HSD17B4: variants seen among roughly 807,000 people sequenced by gnomAD.
The protein encoded by HSD17B4 is hydroxysteroid 17-beta dehydrogenase 4, also known as peroxisomal multifunctional enzyme type 2.
A neutral mutation model predicts 101.0 loss-of-function variants in HSD17B4; 70 were observed. That is an observed-to-expected ratio of 0.69 (90% CI 0.57 to 0.85). The LOEUF (loss-of-function observed/expected upper bound fraction) is 0.85. Among genes scored for constraint, HSD17B4 ranks in the 40% least tolerant of loss-of-function variants. The pLI is 0.00. For missense variants in HSD17B4, 984 were observed against 892.4 expected, an observed-to-expected ratio of 1.10 and a Z score of -1.31; for synonymous variants, 347 against 297.1, an observed-to-expected ratio of 1.17 and a Z score of -1.73.
intron 2 of HSD17B4, among the ~76,000 whole-genome samples, chr5:119,464,882 C>T (rs981561291): frequency 1.3e-5 from 2 of 152,302 alleles, no homozygotes; most frequent in South Asian, 2.1e-4. Context: ...GCGTGAGCCA[C>T]CGCGCCCGGC....
chr5:119,507,657 G>T (rs1237764236), intron 15 of HSD17B4, among the ~76,000 whole-genome samples: 2 of 151,792 alleles, frequency 1.3e-5, no homozygotes, highest in African/African-American at 2.4e-5. Context: ...GGTGGCGGGC[G>T]CCTGTAGTCC....
chr5:119,465,588 C>G (rs903408919), intron 2 of HSD17B4, among the ~76,000 whole-genome samples: 2 of 152,170 alleles, frequency 1.3e-5, no homozygotes, highest in African/African-American at 4.8e-5. Context: ...GTAAATTACC[C>G]AGCCTCAGGT....
Position 119,536,474 on chromosome 5 carries a change from G to A in HSD17B4, c.2045G>A (p.Gly682Asp), listed in dbSNP as rs1438355565. The A allele has an allele frequency of 5.0e-6, 8 of 1,612,334 alleles. No individual in the cohort carries two copies. Among genetic ancestry groups the A allele is most frequent in the Non-Finnish European group, 6.8e-6 (8 of 1,178,656 alleles). Reference sequence around the variant, plus strand: ...AAAGTGTACCAAGGCCCTGCAAAAGGTGCTGCTGATACAACAATCATACTT... The same window carrying A: ...AAAGTGTACCAAGGCCCTGCAAAAGATGCTGCTGATACAACAATCATACTT... Reference protein sequence around the residue: ...SGKVYQGPAKGAADTTIILSD... With the variant: ...SGKVYQGPAKDAADTTIILSD... The change falls in exon 23 of 24, where the codon GGT becomes GAT. Residue 682 changes from glycine (G) to aspartate (D), a missense_variant. Physicochemically the swap from Gly to Asp is moderately conservative, Grantham distance 94 (BLOSUM62 -1). Transcript: ENST00000510025.
At chr5:119,520,231 G>A (rs1239492699) in intron 17 of HSD17B4, among the ~76,000 whole-genome samples, 2 of 151,638 alleles carry the variant, frequency 1.3e-5, no homozygotes, top group African/African-American at 2.4e-5. Flanking sequence ...TACAAATGGT[G>A]TAGCTGCTTT....
At chr5:119,506,564 T>C (rs1024799587) in intron 14 of HSD17B4, among the ~76,000 whole-genome samples, 6 of 152,228 alleles carry the variant, frequency 3.9e-5, no homozygotes, top group Non-Finnish European at 8.8e-5. Flanking sequence ...ATGGTATTTC[T>C]AGTTCTAGAT....
chr5:119,509,711 T>G (rs1314831263), intron 16 of HSD17B4, among the ~76,000 whole-genome samples: 2 of 152,156 alleles, frequency 1.3e-5, no homozygotes, highest in African/African-American at 2.4e-5. Flanking sequence ...TAGGGAGCCT[T>G]GTACAAATGC....
chr5:119,521,536 ACTTTT>A (rs907385490), intron 17 of HSD17B4, among the ~76,000 whole-genome samples: 1 of 151,952 alleles, frequency 6.6e-6, no homozygotes, highest in African/African-American at 2.4e-5. Flanking sequence ...TCTTTCAACT[ACTTTT>A]CTTCTGTTCT....
intron 17 of HSD17B4, among the ~76,000 whole-genome samples, chr5:119,522,713 A>T (rs952465148): frequency 1.3e-5 from 2 of 152,014 alleles, no homozygotes; most frequent in African/African-American, 4.8e-5. Flanking sequence ...ATCTTTCAGG[A>T]TCATTAATTT....
chr5:119,461,208 T>G (rs940878420), intron 2 of HSD17B4, among the ~76,000 whole-genome samples: 5 of 152,202 alleles, frequency 3.3e-5, no homozygotes, highest in African/African-American at 1.2e-4. Context: ...ATGATTCATA[T>G]CTTATGTAAC....
intron 14 of HSD17B4, 98 bp downstream of exon 14, chr5:119,502,190 A>G: frequency 1.3e-6 from 1 of 799,374 alleles, no homozygotes. Flanking sequence ...AGAGTGACCT[A>G]ATGAAACATA....
chr5:119,473,752 T>C (rs1748269887), intron 2 of HSD17B4, among the ~76,000 whole-genome samples, 156 bp from the exon 3 acceptor site: 1 of 152,208 alleles, frequency 6.6e-6, no homozygotes, highest in Non-Finnish European at 1.5e-5. Flanking sequence ...TGAAAATGGC[T>C]GTGTTGTGTT....
intron 10 of HSD17B4, 28 bp downstream of exon 10, chr5:119,492,152 A>G (rs774262239): frequency 1.3e-6 from 2 of 1,568,352 alleles, no homozygotes; most frequent in East Asian, 2.2e-5. Context: ...TTTGGTTTGT[A>G]TAGATTATTT....
chr5:119,458,048 A>G (rs913266144), intron 2 of HSD17B4, among the ~76,000 whole-genome samples: 1 of 152,220 alleles, frequency 6.6e-6, no homozygotes, highest in Non-Finnish European at 1.5e-5. Flanking sequence ...TTTGAATTCT[A>G]AGAAAAAATT....
chr5:119,524,939 A>G (rs1301322886), intron 17 of HSD17B4, among the ~76,000 whole-genome samples: 1 of 152,042 alleles, frequency 6.6e-6, no homozygotes, highest in East Asian at 1.9e-4. Context: ...CTTTTTGTGA[A>G]TTTCTCCTTA....
intron 12 of HSD17B4, among the ~76,000 whole-genome samples, 162 bp from the exon 13 acceptor site, chr5:119,499,151 CTAAT>C (rs922742028): frequency 3.6e-4 from 54 of 152,056 alleles, no homozygotes; most frequent in Admixed American, 2.0e-3. Context: ...TACACATTAC[CTAAT>C]TAGTTTCTAT....
intron 2 of HSD17B4, among the ~76,000 whole-genome samples, chr5:119,463,472 CAAT>C (rs1248866241): frequency 6.7e-6 from 1 of 150,294 alleles, no homozygotes; most frequent in African/African-American, 2.4e-5. Flanking sequence ...ACATTTCCAC[CAAT>C]AATATATGAG....
chr5:119,488,115 G>T (rs1357034340), intron 8 of HSD17B4, among the ~76,000 whole-genome samples: 1 of 152,088 alleles, frequency 6.6e-6, no homozygotes, highest in Non-Finnish European at 1.5e-5. Flanking sequence ...AAAATTGTAT[G>T]ATTTGTAAGA....
Position 119,499,336 on chromosome 5 carries a change from A to G in HSD17B4, c.992A>G (p.Lys331Arg). Residue 331 changes from lysine to arginine, a missense_variant, in exon 13 of 24, where the codon AAA becomes AGA. By Grantham distance (26) the Lys-to-Arg change is conservative. Coordinates refer to ENST00000510025, the MANE Select transcript of HSD17B4 (RefSeq NM_000414.4). ...TSGFAGAIGQ[K>R]LPPFSYAYTE... ...TCTTAGGCTGGAGCTATTGGCCAGA[A>G]ACTCCCTCCATTTTCTTATGCTTAT... The G allele has an allele frequency of 6.2e-7, 1 of 1,612,966 alleles. No individual in the cohort carries two copies. Among genetic ancestry groups the G allele is most frequent in the East Asian group, 2.2e-5 (1 of 44,846 alleles).
chr5:119,471,560 G>GTGT (rs1327791393), intron 2 of HSD17B4: 14 of 559,520 alleles, frequency 2.5e-5, no homozygotes, highest in Admixed American at 4.2e-5. Context: ...AAAAAAAATT[G>GTGT]TGTTAATCAT....
Sources: allele counts gnomAD v4.1 joint callset (sites outside exome capture counted in the v4.1 genomes callset), GRCh38; gene constraint gnomAD v4.1.1; transcripts MANE v1.5; gene names NCBI Gene and HGNC (gene_info 2026-07-23, HGNC 2026-07-21).